Variants in GNLY observed in about 807,000 individuals in gnomAD.
GNLY encodes the protein granulysin, also known as T-cell activation protein 519.
GNLY carries 15 observed loss-of-function variants against 18.5 expected under a neutral mutation model. The observed-to-expected ratio is 0.81, with a 90% confidence interval of 0.54 to 1.25. The LOEUF (loss-of-function observed/expected upper bound fraction) is 1.25. GNLY is among the 50% of genes most tolerant of loss of function. GNLY has a pLI of 0.00. For missense variants in GNLY, 178 were observed against 186.9 expected (o/e 0.95, Z 0.28); for synonymous variants, 77 against 74.9 (o/e 1.03, Z -0.14).
intron 1 of GNLY, 67 bp downstream of exon 1, chr2:85,694,537 C>T (rs902226093): frequency 1.1e-5 from 16 of 1,519,256 alleles, no homozygotes; most frequent in Non-Finnish European, 1.5e-5. Context: ...GCTGGCTGAA[C>T]CTGGAGCTTG....
rs955024252 is a variant in GNLY at position 85,698,762 on chromosome 2, G to A, written c.*188G>A. On this transcript the variant is annotated 3_prime_UTR_variant, in exon 5 of 5. Coordinates refer to ENST00000263863, the MANE Select transcript of GNLY (RefSeq NM_006433.5). ...GTCAAGCAAGATTTTAGCCGCAGCT[G>A]CTTCTTCTTTGGTGGATTTGAGGGG... 2 of 1,518,424 alleles carry A rather than the reference G, an allele frequency of 1.3e-6. No individual in the cohort carries two copies. Among genetic ancestry groups the A allele is most frequent in the Non-Finnish European group, 8.8e-7 (1 of 1,135,060 alleles). 94.1% of individuals were successfully genotyped at this position (1,518,424 alleles called of 1,614,324 possible).
chr2:85,695,169 G>A, intron 1 of GNLY, 151 bp from the exon 2 acceptor site: 1 of 829,476 alleles, frequency 1.2e-6, no homozygotes, highest in Non-Finnish European at 2.0e-6. Context: ...GCGGCTCCAG[G>A]GCAAAGCATG....
At chr2:85,695,279 T>G (rs1407251595) in intron 1 of GNLY, 41 bp from the exon 2 acceptor site, 2 of 1,411,774 alleles carry the variant, frequency 1.4e-6, no homozygotes, top group Non-Finnish European at 2.0e-6. Flanking sequence ...TTCCCTCTCC[T>G]TCCGCCTGCG....
At chr2:85,694,847 GGTGAGAGAACAAGATCTCTT>G (rs1678376547) in intron 1 of GNLY, 1 of 1,525,002 alleles carries the variant, frequency 6.6e-7, no homozygotes, top group Middle Eastern at 2.2e-4. Context: ...GTGCGGGGCT[GGTGAGAGAACAAGATCTCTT>G]CTGTGTTCAA....
chr2:85,697,662 T>A lies in GNLY; in HGVS notation c.412T>A (p.Cys138Ser). The A allele has an allele frequency of 6.2e-7, 1 of 1,612,808 alleles. No individual in the cohort carries two copies. Residue 138 changes from cysteine (C) to serine (S), a missense_variant, in exon 4 of 5, where the codon TGT (cysteine) becomes AGT (serine). Cys to Ser is a moderately radical substitution (Grantham distance 112, BLOSUM62 -1). Coordinates refer to ENST00000263863, the MANE Select transcript of GNLY (RefSeq NM_006433.5). ...GCAGATCTGTGAGGACCTCAGGTTG[T>A]GTATACCTTCTACAGGTGAGTGCAG... The part of the protein sequence containing the change: ...AQQICEDLRL[C>S]IPSTGPL
At chr2:85,697,404 G>A (rs1044544240) in intron 3 of GNLY, 102 bp from the exon 4 acceptor site, 23 of 1,025,136 alleles carry the variant, frequency 2.2e-5, no homozygotes, top group Admixed American at 1.1e-4. Context: ...CCAGCTCCTC[G>A]CACCCAGTAC....
In GNLY at chr2:85,695,102, C is replaced by T. The variant is rs932511542; in HGVS notation, c.53-218C>T. On this transcript the variant is annotated intron_variant, in intron 1 of 4. Coordinates refer to ENST00000263863, the MANE Select transcript of GNLY (RefSeq NM_006433.5). ...ACAGAGGAGAAGAGAGAGTCTCGCC[C>T]TCCTGGCTTTCTAGAAGGAACGTGA... The T allele has an allele frequency of 1.5e-5, 17 of 1,165,532 alleles. No individual in the cohort carries two copies. In the Admixed American group the frequency reaches 3.6e-4, roughly 24 times the overall value. The allele number at this position is 1,165,532 out of a possible 1,614,324, so 72.2% of individuals were successfully genotyped here.
intron 1 of GNLY, chr2:85,694,838 T>C: frequency 6.6e-7 from 1 of 1,517,692 alleles, no homozygotes; most frequent in East Asian, 2.5e-5. Context: ...TCTAGGATTG[T>C]GCGGGGCTGG....
At chr2:85,696,272 G>A in intron 3 of GNLY, 3 of 548,690 alleles carry the variant, frequency 5.5e-6, no homozygotes, top group Non-Finnish European at 6.5e-6. Flanking sequence ...TCAGACGGCA[G>A]AGTATACATG....
chr2:85,695,135 T>C (rs1678390223), intron 1 of GNLY, 185 bp from the exon 2 acceptor site: 1 of 928,454 alleles, frequency 1.1e-6, no homozygotes, highest in Admixed American at 2.2e-5. Context: ...TGAGAACACG[T>C]GTTTGTGCTG....
chr2:85,697,765 C>A, intron 4 of GNLY, 88 bp downstream of exon 4: 2 of 859,086 alleles, frequency 2.3e-6, no homozygotes, highest in Non-Finnish European at 3.8e-6. Flanking sequence ...CTTACTCCCC[C>A]ATCTCCCAGC....
intron 3 of GNLY, chr2:85,697,262 G>T (rs1223439592): frequency 4.0e-6 from 2 of 498,734 alleles, no homozygotes; most frequent in East Asian, 7.0e-5. Context: ...TGCACAAGGC[G>T]CTGAGACCCC....
chr2:85,695,480 G>T (rs953808299), intron 2 of GNLY, 57 bp downstream of exon 2: 23 of 1,060,456 alleles, frequency 2.2e-5, no homozygotes, highest in Non-Finnish European at 3.3e-5. Flanking sequence ...CTCCTCCCTG[G>T]TGGCTCCTGG....
chr2:85,698,755 C>G lies in GNLY; in HGVS notation c.*181C>G, dbSNP rs1029369996. The G allele has an allele frequency of 5.3e-6, 8 of 1,522,976 alleles. No individual in the cohort carries two copies. The highest frequency in any genetic ancestry group is 7.0e-6 in the Non-Finnish European group (8 of 1,137,084). 94.3% of individuals were successfully genotyped at this position (1,522,976 alleles called of 1,614,324 possible). On this transcript the variant is annotated 3_prime_UTR_variant, in exon 5 of 5. Transcript: ENST00000263863. ...ATAAAGTGTCAAGCAAGATTTTAGC[C>G]GCAGCTGCTTCTTCTTTGGTGGATT... is the stretch of plus-strand genomic sequence containing the variant.
Position 85,697,562 on chromosome 2 carries a change from C to T in GNLY, c.312C>T (p.Arg104=), listed in dbSNP as rs1433493473. The T allele has an allele frequency of 1.1e-5, 17 of 1,612,800 alleles. No homozygotes were observed. The highest frequency in any genetic ancestry group is 2.2e-5 in the East Asian group (1 of 44,878). Residue 104 remains arginine (R), a synonymous_variant, in exon 4 of 5, where the codon CGC becomes CGT. Coordinates refer to ENST00000263863, the MANE Select transcript of GNLY (RefSeq NM_006433.5). The stretch of plus-strand genomic sequence containing the variant: ...GTAGGACGGGGAGGTCACGATGGCG[C>T]GACGTCTGCAGAAATTTCATGAGGA... The part of the protein sequence containing the change: ...RVCRTGRSRW[R]DVCRNFMRRY...
chr2:85,698,419 G>A, intron 4 of GNLY, 145 bp from the exon 5 acceptor site: 4 of 1,385,692 alleles, frequency 2.9e-6, no homozygotes, highest in African/African-American at 1.4e-5. Flanking sequence ...TGCTCAGGCT[G>A]CCGACTGGCT....
chr2:85,694,729 T>TA, intron 1 of GNLY: 1 of 1,432,804 alleles, frequency 7.0e-7, no homozygotes, highest in Non-Finnish European at 9.1e-7. Flanking sequence ...CTGTGTGGCC[T>TA]GAGACCCCCC....
chr2:85,697,690 G>A lies in GNLY; in HGVS notation c.427+13G>A. The stretch of plus-strand genomic sequence containing the variant: ...ATACCTTCTACAGGTGAGTGCAGAG[G>A]TGACAGCAGGGATACCTCCTGAGGG... On this transcript the variant is annotated intron_variant, in intron 4 of 4. Coordinates refer to ENST00000263863, the MANE Select transcript of GNLY (RefSeq NM_006433.5). The A allele has an allele frequency of 1.3e-6, 2 of 1,590,354 alleles. No individual in the cohort carries two copies. The highest frequency in any genetic ancestry group is 1.7e-6 in the Non-Finnish European group (2 of 1,158,450).
rs1053408643 is a variant in GNLY, at chr2:85,694,797, G to A, written c.52+327G>A. On this transcript the variant is annotated intron_variant, in intron 1 of 4. Coordinates refer to ENST00000263863, the MANE Select transcript of GNLY (RefSeq NM_006433.5). ...GTGGTGAAGGCCATTGGCCCTCATC[G>A]GTGGATCTGCGTTTCCTCGGGCCTA... is the stretch of plus-strand genomic sequence containing the variant. 7 of 1,450,516 alleles carry A rather than the reference G, an allele frequency of 4.8e-6. No individual in the cohort carries two copies. In the African/African-American group the frequency reaches 5.7e-5, roughly 12 times the overall value. The allele number at this position is 1,450,516 out of a possible 1,614,324, so 89.9% of individuals were successfully genotyped here.
Sources: gnomAD v4.1 joint callset for allele counts on GRCh38, gnomAD v4.1.1 for gene constraint, MANE v1.5 for transcripts, NCBI Gene and HGNC (gene_info 2026-07-23, HGNC 2026-07-21) for gene names.